The following ZNF112 variants were observed in gnomAD, a reference collection of about 807,000 sequenced individuals.
The protein encoded by ZNF112 is zinc finger protein 112, also known as zinc finger protein 112 (Y14).
ZNF112 carries 37 observed loss-of-function variants against 77.7 expected under a neutral mutation model. That is an observed-to-expected ratio of 0.48 (90% confidence interval 0.37 to 0.63). The LOEUF (loss-of-function observed/expected upper bound fraction) is 0.63. ZNF112 is among the 20% of genes least tolerant of loss of function. The probability of loss-of-function intolerance (pLI) is 0.00; values close to 1 mark genes in which losing one functional copy is unlikely to be tolerated. For missense variants in ZNF112, 950 were observed against 1,077.4 expected, an observed-to-expected ratio of 0.88 and a Z score of 1.66; for synonymous variants, 333 against 363.6, an observed-to-expected ratio of 0.92 and a Z score of 0.96.
At chr19:44,363,278 T>G (rs1970871676) in intron 1 of ZNF112, among the ~76,000 whole-genome samples, 2 of 152,194 alleles carry the variant, frequency 1.3e-5, no homozygotes, top group African/African-American at 4.8e-5. Flanking sequence ...GCCCTGAAAT[T>G]TTATAACATA....
intron 1 of ZNF112, among the ~76,000 whole-genome samples, chr19:44,347,019 A>C (rs1040236235): frequency 2.6e-5 from 4 of 152,176 alleles, no homozygotes; most frequent in African/African-American, 9.7e-5. Flanking sequence ...TACTGATAAA[A>C]GAGTGTTGAG....
At chr19:44,342,149 A>C (rs912042703) in intron 1 of ZNF112, among the ~76,000 whole-genome samples, 1 of 152,238 alleles carries the variant, frequency 6.6e-6, no homozygotes, top group African/African-American at 2.4e-5. Context: ...TACTCTAATA[A>C]AATTAATACA....
At chr19:44,362,240 G>A (rs1187080560) in intron 1 of ZNF112, among the ~76,000 whole-genome samples, 3 of 151,966 alleles carry the variant, frequency 2.0e-5, no homozygotes, top group Non-Finnish European at 4.4e-5. Flanking sequence ...GGGGGAGGAA[G>A]GTGAGGGTAT....
In ZNF112 at chr19:44,328,263, T is replaced by C; in HGVS notation, c.1894A>G (p.Lys632Glu). 2 of 1,613,966 alleles carry C rather than the reference T, an allele frequency of 1.2e-6. No individual in the cohort carries two copies. The highest frequency in any genetic ancestry group is 1.7e-6 in the Non-Finnish European group (2 of 1,179,960). Residue 632 changes from lysine (K) to glutamate (E), a missense_variant, in exon 4 of 4, where the codon AAA (lysine) becomes GAA (glutamate). Transcript: ENST00000354340. ...QRVHTGEKPF[K>E]CEECGKGFSW... The stretch of plus-strand genomic sequence containing the variant: ...AACCCCTTCCCACATTCCTCACATT[T>C]GAATGGTTTTTCTCCAGTGTGGACT...
chr19:44,336,489 C>T, intron 3 of ZNF112, 134 bp downstream of exon 3: 1 of 683,672 alleles, frequency 1.5e-6, no homozygotes, highest in East Asian at 2.6e-5. Context: ...CCTAATAGAC[C>T]ACTTTAAGTA....
At chr19:44,347,485 A>ATTTTTTTTTTTTT (rs757226424) in intron 1 of ZNF112, among the ~76,000 whole-genome samples, 1 of 40,322 alleles carries the variant, frequency 2.5e-5, no homozygotes, top group African/African-American at 7.2e-5. Flanking sequence ...TTTTGGGTTG[A>ATTTTTTTTTTTTT]TTTTTTTTTT....
In ZNF112 at chr19:44,341,049, A is replaced by T. The variant is rs557264188; in HGVS notation, c.-3-507T>A. 1.7e-4 allele frequency: 76 copies of T among 439,626 alleles called. 1 individual carries two copies. The highest frequency in any genetic ancestry group is 1.2e-3 in the South Asian group (76 of 60,858). The allele number at this position is 439,626 out of a possible 1,614,324, so 27.2% of individuals were successfully genotyped here. A position where few individuals can be genotyped will look rare whatever the true frequency, so the allele number is the denominator to read the frequency against. On this transcript the variant is annotated intron_variant, in intron 1 of 3. Coordinates refer to ENST00000354340, the MANE Select transcript of ZNF112 (RefSeq NM_013380.4). ...TGTCTGGATCTGGGCGCTCTGCCCA[A>T]TGCTAGCTCTATGATCTTGGACAAG...
upstream of ZNF112, among the ~76,000 whole-genome samples, chr19:44,361,150 A>G (rs56150512): frequency 0.81 from 122,893 of 152,064 alleles, 50,510 homozygotes; most frequent in African/African-American, 0.95. Flanking sequence ...AAATTCATCA[A>G]TAGGATGATT....
intron 1 of ZNF112, among the ~76,000 whole-genome samples, chr19:44,344,086 G>C (rs536865869): frequency 3.3e-5 from 5 of 152,146 alleles, no homozygotes; most frequent in Admixed American, 1.3e-4. Flanking sequence ...TCTTCCCACA[G>C]GGTACAACAA....
chr19:44,362,592 T>C (rs1019993006), intron 1 of ZNF112, among the ~76,000 whole-genome samples: 1 of 151,758 alleles, frequency 6.6e-6, no homozygotes, highest in Non-Finnish European at 1.5e-5. Flanking sequence ...CTTCAAGACA[T>C]ATTACAGGCC....
chr19:44,352,037 A>G (rs1046082256), intron 1 of ZNF112, among the ~76,000 whole-genome samples: 1 of 152,018 alleles, frequency 6.6e-6, no homozygotes, highest in African/African-American at 2.4e-5. Flanking sequence ...GGAAAAGGCA[A>G]TGGGGTTGGG....
At chr19:44,365,885 C>T (rs974448344) in intron 1 of ZNF112, among the ~76,000 whole-genome samples, 4 of 152,170 alleles carry the variant, frequency 2.6e-5, no homozygotes, top group African/African-American at 9.7e-5. Context: ...CTCTCCAGGA[C>T]CCAGCTGGGC....
At chr19:44,363,908 G>A (rs559933886) in intron 1 of ZNF112, among the ~76,000 whole-genome samples, 2 of 152,178 alleles carry the variant, frequency 1.3e-5, no homozygotes, top group South Asian at 4.2e-4. Flanking sequence ...AGCATTTGCT[G>A]TTATTAGTAT....
intron 1 of ZNF112, among the ~76,000 whole-genome samples, chr19:44,349,875 C>T (rs1970661567): frequency 6.6e-6 from 1 of 151,992 alleles, no homozygotes; most frequent in African/African-American, 2.4e-5. Flanking sequence ...CATTAAAATA[C>T]AAGGGAAATG....
At chr19:44,347,399 T>C (rs1391781053) in intron 1 of ZNF112, among the ~76,000 whole-genome samples, 3 of 151,990 alleles carry the variant, frequency 2.0e-5, no homozygotes, top group Admixed American at 2.0e-4. Flanking sequence ...GCTGGGTTTC[T>C]GTCTACCATT....
At chr19:44,339,072 T>A (rs900171258) in intron 2 of ZNF112, among the ~76,000 whole-genome samples, 10 of 151,888 alleles carry the variant, frequency 6.6e-5, no homozygotes, top group Middle Eastern at 3.4e-3. Context: ...AAAGAAAAAA[T>A]ATATATATAA....
At chr19:44,347,506 T>TTTTA (rs151128809) in intron 1 of ZNF112, among the ~76,000 whole-genome samples, 21,705 of 98,500 alleles carry the variant, frequency 0.22, 3,602 homozygotes, top group South Asian at 0.37. Flanking sequence ...TTTTTTTTTT[T>TTTTA]ACTATTCCAT....
intron 1 of ZNF112, among the ~76,000 whole-genome samples, chr19:44,365,018 T>A (rs2722744): frequency 6.6e-6 from 1 of 151,638 alleles, no homozygotes; most frequent in Admixed American, 6.6e-5. Flanking sequence ...GGGTGTTCCC[T>A]TCCCTTTTCG....
rs1044345112 is a variant in ZNF112 at position 44,349,944 on chromosome 19, T to C, written c.-4+6682A>G. On this transcript the variant is annotated intron_variant, in intron 1 of 3. Coordinates refer to ENST00000354340, the MANE Select transcript of ZNF112 (RefSeq NM_013380.4). Reference sequence around the variant, plus strand: ...AGATGTTACTAATGTTGCTCAGATATTGTGTATTCAAGGAATCAATGCCAA... The same window carrying C: ...AGATGTTACTAATGTTGCTCAGATACTGTGTATTCAAGGAATCAATGCCAA... Among the ~76,000 whole-genome samples, 3 of 152,018 alleles carry C rather than the reference T, an allele frequency of 2.0e-5. No homozygotes were observed. The East Asian group carries it at 5.8e-4, about 29-fold the overall frequency.
Sources: allele counts gnomAD v4.1 joint callset (sites outside exome capture counted in the v4.1 genomes callset), GRCh38; gene constraint gnomAD v4.1.1; transcripts MANE v1.5; gene names NCBI Gene and HGNC (gene_info 2026-07-23, HGNC 2026-07-21).